Variants in MLLT1 observed in about 807,000 individuals in gnomAD.
MLLT1 encodes the protein MLLT1 super elongation complex subunit, also known as protein ENL.
A neutral mutation model predicts 55.1 loss-of-function variants in MLLT1; 11 were observed. The ratio of observed to expected loss-of-function variants is 0.20; its 90% CI spans 0.13 to 0.33. The LOEUF (loss-of-function observed/expected upper bound fraction) is 0.33, where lower values mean the gene tolerates loss of function less well. Ranked by LOEUF, MLLT1 falls within the 10% of genes least tolerant of loss-of-function variation. The pLI is 1.00. For missense variants in MLLT1, 536 were observed against 760.6 expected, an observed-to-expected ratio of 0.70 and a Z score of 3.47; for synonymous variants, 323 against 320.1, an observed-to-expected ratio of 1.01 and a Z score of -0.10.
At chr19:6,265,835 C>A (rs904695922) in intron 2 of MLLT1, among the ~76,000 whole-genome samples, 7 of 149,270 alleles carry the variant, frequency 4.7e-5, no homozygotes, top group African/African-American at 1.7e-4. Context: ...AAAAATTAGC[C>A]AAGGGTGGTG....
chr19:6,241,578 C>T (rs1374241792), intron 3 of MLLT1, among the ~76,000 whole-genome samples: 1 of 152,256 alleles, frequency 6.6e-6, no homozygotes, highest in Non-Finnish European at 1.5e-5. Flanking sequence ...CTGGGCCGTC[C>T]CACCGTCCCA....
chr19:6,220,316 G>A (rs1022992316), intron 6 of MLLT1, among the ~76,000 whole-genome samples: 1 of 152,234 alleles, frequency 6.6e-6, no homozygotes, highest in Admixed American at 6.5e-5. Flanking sequence ...CGGGGGAAGA[G>A]GCGTCAGGGA....
rs1330343860 is a variant in MLLT1 at position 6,262,400 on chromosome 19, C to T, written c.194-90G>A. 8 of 1,078,284 alleles carry T rather than the reference C, an allele frequency of 7.4e-6. No homozygotes were observed. Among genetic ancestry groups the T allele is most frequent in the Admixed American group, 1.9e-5 (1 of 51,354 alleles). The allele number at this position is 1,078,284 out of a possible 1,614,324, so 66.8% of individuals were successfully genotyped here. ...GCAGTACCGCACCCCTCAACCCCACCACCTCCTCACAGGGGCTTGGCTGGC... is the reference window on the plus strand; with the variant it reads ...GCAGTACCGCACCCCTCAACCCCACTACCTCCTCACAGGGGCTTGGCTGGC... On this transcript the variant is annotated intron_variant, in intron 2 of 11. Transcript: ENST00000252674. The surrounding 1 kb of genome is among the most constrained non-coding windows in gnomAD (Gnocchi z 4.4).
chr19:6,274,234 A>T (rs1404649048), intron 1 of MLLT1, among the ~76,000 whole-genome samples: 1 of 152,210 alleles, frequency 6.6e-6, no homozygotes, highest in African/African-American at 2.4e-5. Flanking sequence ...CTGTTGTAGT[A>T]AAAAAGGAAT....
intron 3 of MLLT1, among the ~76,000 whole-genome samples, chr19:6,243,927 C>T (rs1366148751): frequency 1.3e-5 from 2 of 151,690 alleles, no homozygotes; most frequent in African/African-American, 2.4e-5. Context: ...GCCTGTAGTC[C>T]CAGCCACTCG....
rs1017134748 is a variant in MLLT1 at position 6,230,392 on chromosome 19, C to T, written c.420+178G>A. Among the ~76,000 whole-genome samples, 7 of 152,206 alleles carry T rather than the reference C, an allele frequency of 4.6e-5. No homozygotes were observed. Among genetic ancestry groups the T allele is most frequent in the South Asian group, 2.1e-4 (1 of 4,834 alleles). On this transcript the variant is annotated intron_variant, in intron 4 of 11. Transcript: ENST00000252674. The surrounding 1 kb of genome is among the most constrained non-coding windows in gnomAD (Gnocchi z 9.0). ...AGCAACGAGTCACCTGCAGCCACCACGCCCCGGCACAGGTTGTGGAGCTCC... is the reference window on the plus strand; with the variant it reads ...AGCAACGAGTCACCTGCAGCCACCATGCCCCGGCACAGGTTGTGGAGCTCC...
At chr19:6,265,073 A>AAC (rs2091338763) in intron 2 of MLLT1, among the ~76,000 whole-genome samples, 1 of 144,266 alleles carries the variant, frequency 6.9e-6, no homozygotes, top group African/African-American at 2.6e-5. Flanking sequence ...AACAAAAAAA[A>AAC]ACATGATGTC....
In MLLT1 at chr19:6,213,120, G is replaced by C. The variant is rs2090797589; in HGVS notation, c.1602C>G (p.Thr534=). ...CCAGGGAGAAGAGGTCGAAGTCGAAGGTGGTGTTGGTGACATTGAAGTGGC... is the reference window on the plus strand; with the variant it reads ...CCAGGGAGAAGAGGTCGAAGTCGAACGTGGTGTTGGTGACATTGAAGTGGC... ...ETGHFNVTNT[T]FDFDLFSLDE... is the part of the protein sequence containing the mutation. The change falls in exon 12 of 12, where the codon ACC becomes ACG. Residue 534 remains threonine, a synonymous_variant. Transcript: ENST00000252674. 3.7e-6 allele frequency: 6 copies of C among 1,614,024 alleles called. No individual in the cohort carries two copies. The highest frequency in any genetic ancestry group is 1.1e-5 in the South Asian group (1 of 91,084).
intron 3 of MLLT1, among the ~76,000 whole-genome samples, chr19:6,233,625 T>G (rs1002469514): frequency 6.6e-6 from 1 of 152,208 alleles, no homozygotes; most frequent in Non-Finnish European, 1.5e-5. Context: ...CCTCTCTTTG[T>G]CCTGCCAAAA....
chr19:6,264,601 T>C (rs946550902), intron 2 of MLLT1, among the ~76,000 whole-genome samples: 9 of 151,768 alleles, frequency 5.9e-5, no homozygotes, highest in Non-Finnish European at 1.0e-4. Context: ...AAAAATAAGA[T>C]ACTTCTAAAA....
At chr19:6,216,775 CA>C (rs2090849005) in intron 7 of MLLT1, 1 of 482,496 alleles carries the variant, frequency 2.1e-6, no homozygotes, top group African/African-American at 2.0e-5. Flanking sequence ...GACTGGCCGG[CA>C]GTGGGCGCGC....
At chr19:6,279,698 C>G (rs1176526694) in intron 1 of MLLT1, 75 bp downstream of exon 1, 1 of 78,328 alleles carries the variant, frequency 1.3e-5, no homozygotes, top group Non-Finnish European at 2.8e-5. Context: ...AGGCCGGGAC[C>G]GGGGAGGGCC....
rs925415730 is a variant in MLLT1, at chr19:6,231,646, C to T, written c.277-933G>A. ...CCTCCCAAGCAGCTGGGACTACAGG[C>T]GCCCGCCACCACGTCTGGCTAATTT... On this transcript the variant is annotated intron_variant, in intron 3 of 11. Transcript: ENST00000252674. This position sits in a 1 kb window ranked among gnomAD's most constrained non-coding sequence, Gnocchi z 5.1. Among the ~76,000 whole-genome samples, 2 of 151,958 alleles carry T rather than the reference C, an allele frequency of 1.3e-5. No homozygotes were observed. Among genetic ancestry groups the T allele is most frequent in the South Asian group, 4.2e-4 (2 of 4,804 alleles).
intron 1 of MLLT1, among the ~76,000 whole-genome samples, chr19:6,272,164 C>T (rs1402342791): frequency 6.6e-6 from 1 of 151,992 alleles, no homozygotes; most frequent in African/African-American, 2.4e-5. Context: ...GTCTTCCACG[C>T]GTGTATTTCC....
At chr19:6,241,204 CCTGAA>C (rs1437237356) in intron 3 of MLLT1, among the ~76,000 whole-genome samples, 5 of 152,178 alleles carry the variant, frequency 3.3e-5, no homozygotes, top group African/African-American at 1.2e-4. Flanking sequence ...CTCTCTCTAC[CCTGAA>C]CTGAGGCCGC....
rs898522554 is a variant in MLLT1, at chr19:6,279,822, T to TCGCCGCCGCCGCCGC, written c.-53_-39dup. 6.8e-6 allele frequency: 1 copy of TCGCCGCCGCCGCCGC among 147,982 alleles called. No individual in the cohort carries two copies. The highest frequency in any genetic ancestry group is 2.5e-5 in the African/African-American group (1 of 39,532). The allele number at this position is 147,982 out of a possible 1,614,324, so 9.2% of individuals were successfully genotyped here. On this transcript the variant is annotated 5_prime_UTR_variant, in exon 1 of 12. Transcript: ENST00000252674. ...GCCCCGCCCCCGGGCCCCGCGTCGC[T>TCGCCGCCGCCGCCGC]CGCCGCCGCCGCCGCCGCCGCCGCC... is the stretch of plus-strand genomic sequence containing the variant.
At chr19:6,215,920 C>A (rs1166521769) in intron 8 of MLLT1, among the ~76,000 whole-genome samples, 1 of 152,108 alleles carries the variant, frequency 6.6e-6, no homozygotes, top group Non-Finnish European at 1.5e-5. Flanking sequence ...CCCTGTGCCT[C>A]CTGGGGAAAA....
At chr19:6,216,744 C>T (rs1272344929) in intron 7 of MLLT1, 3 of 551,902 alleles carry the variant, frequency 5.4e-6, no homozygotes, top group East Asian at 6.3e-5. Flanking sequence ...ACCTTCCTGG[C>T]CCTGCTCGCA....
At position 6,240,165 on chromosome 19, in the gene MLLT1, G is replaced by A. The variant is rs1029607647; in HGVS notation, c.277-9452C>T. On this transcript the variant is annotated intron_variant, in intron 3 of 11. Coordinates refer to ENST00000252674, the MANE Select transcript of MLLT1 (RefSeq NM_005934.4). This position sits in a 1 kb window ranked among gnomAD's most constrained non-coding sequence, Gnocchi z 4.7. ...GACAGTGTGGGCAGCATTAGCCCAG[G>A]CCCCTTCACGCCTGCCTGACCGCTC... Among the ~76,000 whole-genome samples, 6 of 152,312 alleles carry A rather than the reference G, an allele frequency of 3.9e-5. No individual in the cohort carries two copies. Among genetic ancestry groups the A allele is most frequent in the African/African-American group, 1.4e-4 (6 of 41,566 alleles).
Sources: gnomAD v4.1 joint callset for allele counts (sites outside exome capture counted in the v4.1 genomes callset) on GRCh38, gnomAD v4.1.1 for gene constraint, Gnocchi (gnomAD v3.1) non-coding constraint, MANE v1.5 for transcripts, NCBI Gene and HGNC (gene_info 2026-07-23, HGNC 2026-07-21) for gene names.